RANBP17: variants seen among roughly 807,000 people sequenced by gnomAD.
RANBP17 encodes RAN binding protein 17, also known as ran-binding protein 17.
A neutral mutation model predicts 141.2 loss-of-function variants in RANBP17; 158 were observed. The ratio of observed to expected loss-of-function variants is 1.12; its 90% CI spans 0.98 to 1.28. RANBP17 has a LOEUF of 1.28. Among genes scored for constraint, RANBP17 ranks in the 50% most tolerant of loss-of-function variants. RANBP17 has a pLI of 0.00. For synonymous variants in RANBP17, 430 were observed against 450.0 expected (o/e 0.96, Z 0.56); for missense variants, 1,438 against 1,290.7 (o/e 1.11, Z -1.75).
At chr5:171,035,737 G>GTTTTTTTTTTTTTTTTTTTT (rs781327156) in intron 14 of RANBP17, among the ~76,000 whole-genome samples, 1 of 95,456 alleles carries the variant, frequency 1.0e-5, no homozygotes. Context: ...TTCTTTTTTT[G>GTTTTTTTTTTTTTTTTTTTT]TTTTTTTTTT....
chr5:170,902,623 CT>C (rs1321620719), intron 5 of RANBP17, among the ~76,000 whole-genome samples: 3 of 152,172 alleles, frequency 2.0e-5, no homozygotes, highest in African/African-American at 4.8e-5. Context: ...AATTTTCAGC[CT>C]TTTTGCACTG....
At chr5:170,934,034 A>G (rs1220125184) in intron 12 of RANBP17, among the ~76,000 whole-genome samples, 2 of 152,028 alleles carry the variant, frequency 1.3e-5, no homozygotes, top group Non-Finnish European at 2.9e-5. Flanking sequence ...TCCCATTATT[A>G]TTGTACGGGA....
At chr5:171,068,569 T>TTTGTTG (rs35125398) in intron 14 of RANBP17, among the ~76,000 whole-genome samples, 8,733 of 148,968 alleles carry the variant, frequency 0.059, 365 homozygotes, top group African/African-American at 0.1. Flanking sequence ...TTACTTTCCT[T>TTTGTTG]TTGTTGTTGT....
intron 12 of RANBP17, among the ~76,000 whole-genome samples, chr5:170,947,347 A>G (rs1774849411): frequency 6.6e-6 from 1 of 152,276 alleles, no homozygotes; most frequent in Non-Finnish European, 1.5e-5. Context: ...TGGAGATACA[A>G]TAGAGAACAA....
intron 13 of RANBP17, among the ~76,000 whole-genome samples, chr5:170,958,676 CA>C (rs1286409259): frequency 6.6e-6 from 1 of 152,140 alleles, no homozygotes; most frequent in Middle Eastern, 3.4e-3. Flanking sequence ...AGAACACTAC[CA>C]AATTAGAAGA....
intron 24 of RANBP17, chr5:171,252,105 G>A: frequency 6.3e-7 from 1 of 1,596,730 alleles, no homozygotes; most frequent in East Asian, 2.2e-5. Context: ...AGAAAAAGTT[G>A]GAGTAATACC....
At chr5:171,282,757 G>T (rs1474720894) in intron 25 of RANBP17, among the ~76,000 whole-genome samples, 2 of 152,118 alleles carry the variant, frequency 1.3e-5, no homozygotes, top group African/African-American at 4.8e-5. Flanking sequence ...TGGGATTACA[G>T]GCGTGAGCCA....
intron 14 of RANBP17, among the ~76,000 whole-genome samples, chr5:171,053,471 C>G (rs1475230092): frequency 6.6e-6 from 1 of 151,918 alleles, no homozygotes; most frequent in Admixed American, 6.6e-5. Flanking sequence ...ATATTGTATC[C>G]TTTTGAATGC....
intron 12 of RANBP17, among the ~76,000 whole-genome samples, chr5:170,949,996 A>G (rs1219793890): frequency 6.6e-6 from 1 of 152,188 alleles, no homozygotes; most frequent in Non-Finnish European, 1.5e-5. Context: ...ACATTGGGGA[A>G]AGGATACCCT....
At chr5:171,126,267 A>C (rs1282354205) in intron 14 of RANBP17, among the ~76,000 whole-genome samples, 1 of 152,212 alleles carries the variant, frequency 6.6e-6, no homozygotes, top group Non-Finnish European at 1.5e-5. Flanking sequence ...AAAACTCTTG[A>C]GACGAGTGAA....
chr5:170,926,960 G>A (rs77011349), intron 12 of RANBP17, among the ~76,000 whole-genome samples: 4,401 of 151,918 alleles, frequency 0.029, 213 homozygotes, highest in African/African-American at 0.098. Flanking sequence ...CTTATTTTTT[G>A]TAGATACATA....
intron 14 of RANBP17, among the ~76,000 whole-genome samples, chr5:170,990,141 T>G (rs532241957): frequency 1.2e-3 from 188 of 151,978 alleles, no homozygotes; most frequent in Non-Finnish European, 2.4e-3. Flanking sequence ...AGTTTGCAAT[T>G]TATTGAATAA....
intron 25 of RANBP17, among the ~76,000 whole-genome samples, chr5:171,288,641 A>G (rs537112097): frequency 7.9e-5 from 12 of 152,334 alleles, no homozygotes; most frequent in African/African-American, 2.9e-4. Context: ...CGGGAATAAT[A>G]TCTACTTCCC....
At chr5:170,870,288 G>C (rs1276847398) in intron 1 of RANBP17, among the ~76,000 whole-genome samples, 1 of 152,092 alleles carries the variant, frequency 6.6e-6, no homozygotes, top group African/African-American at 2.4e-5. Flanking sequence ...GTGCCGTGGT[G>C]GTTTGCCGCA....
At chr5:170,949,548 A>G (rs944820594) in intron 12 of RANBP17, among the ~76,000 whole-genome samples, 7 of 152,194 alleles carry the variant, frequency 4.6e-5, no homozygotes, top group Non-Finnish European at 1.0e-4. Context: ...ACCAACTAGG[A>G]TGGATATAAT....
intron 16 of RANBP17, among the ~76,000 whole-genome samples, chr5:171,176,253 A>G (rs534428999): frequency 3.3e-5 from 5 of 152,222 alleles, no homozygotes; most frequent in African/African-American, 1.2e-4. Flanking sequence ...TATCAAAGTC[A>G]CTTGATGACC....
At chr5:171,144,366 CA>C (rs371286032) in intron 14 of RANBP17, among the ~76,000 whole-genome samples, 17 of 144,102 alleles carry the variant, frequency 1.2e-4, no homozygotes, top group African/African-American at 4.3e-4. Flanking sequence ...GACCCTATCT[CA>C]AAAAAAAAGA....
intron 14 of RANBP17, among the ~76,000 whole-genome samples, chr5:171,073,128 A>G (rs1030672079): frequency 1.3e-5 from 2 of 152,138 alleles, no homozygotes; most frequent in Admixed American, 6.5e-5. Flanking sequence ...GATGGATTCT[A>G]TCCATTCATT....
At chr5:171,160,204 T>C (rs1759240221) in intron 14 of RANBP17, among the ~76,000 whole-genome samples, 1 of 149,908 alleles carries the variant, frequency 6.7e-6, no homozygotes, top group Non-Finnish European at 1.5e-5. Context: ...ACTTTTTTTC[T>C]ATCACTTTTC....
Sources: gnomAD v4.1 joint callset for allele counts (sites outside exome capture counted in the v4.1 genomes callset) on GRCh38, gnomAD v4.1.1 for gene constraint, MANE v1.5 for transcripts, NCBI Gene and HGNC (gene_info 2026-07-23, HGNC 2026-07-21) for gene names.